VRK2: variants seen among roughly 807,000 people sequenced by gnomAD.
VRK2 encodes serine/threonine-protein kinase VRK2.
A neutral mutation model predicts 57.6 loss-of-function variants in VRK2; 60 were observed. The observed-to-expected ratio is 1.04, with a 90% CI of 0.85 to 1.29. The LOEUF is 1.29. Among genes scored for constraint, VRK2 ranks in the 50% most tolerant of loss-of-function variants. The pLI is 0.00. For synonymous variants in VRK2, 231 were observed against 199.2 expected, an observed-to-expected ratio of 1.16 and a Z score of -1.35; for missense variants, 705 against 588.1, an observed-to-expected ratio of 1.20 and a Z score of -2.06.
chr2:58,071,553 C>T (rs1460337174), intron 2 of VRK2, among the ~76,000 whole-genome samples: 4 of 152,024 alleles, frequency 2.6e-5, no homozygotes, highest in East Asian at 1.9e-4. Context: ...GACTACACTT[C>T]GTCTATTGAA....
rs1287047874 is a variant in VRK2 at position 58,088,341 on chromosome 2, T to G, written c.345T>G (p.Ser115Arg). The change falls in exon 6 of 13, where the codon AGT becomes AGG. Residue 115 changes from serine to arginine, a missense_variant and splice_region_variant. Transcript: ENST00000340157. ...GSGLTEFKGR[S>R]YRFMVMERLG... ...TCTTTTTGATGCTTTTTTCTTACAG[T>G]TACAGATTTATGGTAATGGAAAGAC... 6.3e-7 allele frequency: 1 copy of G among 1,597,038 alleles called. No individual in the cohort carries two copies. The highest frequency in any genetic ancestry group is 8.6e-7 in the Non-Finnish European group (1 of 1,168,888).
intron 2 of VRK2, among the ~76,000 whole-genome samples, chr2:58,082,745 T>C (rs1229759233): frequency 6.6e-6 from 1 of 151,946 alleles, no homozygotes; most frequent in East Asian, 1.9e-4. Context: ...TAATTTTAAG[T>C]GCTATAAGTA....
intron 2 of VRK2, among the ~76,000 whole-genome samples, chr2:58,082,540 T>C (rs1247159363): frequency 6.6e-6 from 1 of 151,860 alleles, no homozygotes; most frequent in African/African-American, 2.4e-5. Flanking sequence ...AGTAAAATAG[T>C]TTGTCATAGG....
intron 1 of VRK2, among the ~76,000 whole-genome samples, chr2:57,984,568 T>G (rs1349464524): frequency 6.6e-6 from 1 of 152,098 alleles, no homozygotes; most frequent in Non-Finnish European, 1.5e-5. Context: ...ATCTTCTTAC[T>G]AAACTAACAA....
At chr2:58,127,434 T>A (rs1678535720) in intron 8 of VRK2, among the ~76,000 whole-genome samples, 1 of 152,170 alleles carries the variant, frequency 6.6e-6, no homozygotes, top group Non-Finnish European at 1.5e-5. Flanking sequence ...AGGGCTTAAT[T>A]TAAAAGGTAC....
intron 1 of VRK2, among the ~76,000 whole-genome samples, chr2:57,919,782 T>G (rs1248302139): frequency 6.6e-6 from 1 of 152,144 alleles, no homozygotes; most frequent in Non-Finnish European, 1.5e-5. Flanking sequence ...AGTTTATTAA[T>G]GGGAAAACAC....
chr2:58,083,776 A>C (rs1329968290), intron 2 of VRK2, among the ~76,000 whole-genome samples: 3 of 151,734 alleles, frequency 2.0e-5, no homozygotes, highest in African/African-American at 7.2e-5. Flanking sequence ...TATATGATTC[A>C]TATTGTCTAT....
chr2:58,139,796 A>G lies in VRK2; in HGVS notation c.987A>G (p.Gly329=). ...GACCACTGGACTTTTCCACAAAAGG[A>G]CAGAGTATAAATGTCCATACTCCAA... ...PLGPLDFSTK[G]QSINVHTPNS... is the part of the protein sequence containing the mutation. The change falls in exon 11 of 13, where the codon GGA becomes GGG. Residue 329 remains glycine (G), a synonymous_variant. Coordinates refer to ENST00000340157, the MANE Select transcript of VRK2 (RefSeq NM_006296.7). The G allele has an allele frequency of 6.2e-7, 1 of 1,613,088 alleles. No individual in the cohort carries two copies. Among genetic ancestry groups the G allele is most frequent in the Non-Finnish European group, 8.5e-7 (1 of 1,179,316 alleles).
intron 7 of VRK2, among the ~76,000 whole-genome samples, chr2:58,090,701 T>C (rs1455099128): frequency 6.6e-6 from 1 of 152,206 alleles, no homozygotes; most frequent in Non-Finnish European, 1.5e-5. Context: ...GCAGTTGTGC[T>C]CATTAGTATT....
At chr2:58,141,531 C>G (rs1206647079) in intron 11 of VRK2, among the ~76,000 whole-genome samples, 1 of 151,838 alleles carries the variant, frequency 6.6e-6, no homozygotes, top group East Asian at 1.9e-4. Context: ...CTTTTAAGAC[C>G]TACGCTAATT....
chr2:57,990,470 G>A lies in VRK2; in HGVS notation c.-438-35195G>A, dbSNP rs552756151. Among the ~76,000 whole-genome samples the A allele has an allele frequency of 1.3e-4, 20 of 152,256 alleles. No individual in the cohort carries two copies. In the East Asian group the frequency reaches 3.9e-3, roughly 29 times the overall value. The stretch of plus-strand genomic sequence containing the variant: ...AGGGTAAATATTGTCCAGATGATAG[G>A]ACCAGATCACAGGCAGAAATACATT... On this transcript the variant is annotated intron_variant, in intron 1 of 15. Coordinates refer to the VRK2 transcript ENST00000417641.
At chr2:58,111,658 C>G (rs1027555774) in intron 7 of VRK2, among the ~76,000 whole-genome samples, 1 of 152,020 alleles carries the variant, frequency 6.6e-6, no homozygotes, top group Non-Finnish European at 1.5e-5. Flanking sequence ...CTTACTACAA[C>G]GCAAATAATC....
At chr2:58,102,213 G>A (rs947263034) in intron 7 of VRK2, among the ~76,000 whole-genome samples, 1 of 151,426 alleles carries the variant, frequency 6.6e-6, no homozygotes, top group Non-Finnish European at 1.5e-5. Context: ...CTCAAAAGCT[G>A]TTAAAGCATC....
chr2:57,945,010 T>G (rs935372368), intron 1 of VRK2, among the ~76,000 whole-genome samples: 12 of 152,140 alleles, frequency 7.9e-5, no homozygotes, highest in African/African-American at 2.9e-4. Context: ...AAACAGAGAC[T>G]CAGCATGGGC....
chr2:58,106,122 C>T (rs1674714409), intron 7 of VRK2, among the ~76,000 whole-genome samples: 1 of 151,958 alleles, frequency 6.6e-6, no homozygotes, highest in Admixed American at 6.6e-5. Context: ...TTAATATACA[C>T]ACACAGGTTG....
chr2:58,135,074 G>C (rs1233401670), intron 9 of VRK2, 67 bp from the exon 10 acceptor site: 20 of 1,568,372 alleles, frequency 1.3e-5, no homozygotes, highest in Admixed American at 1.7e-5. Context: ...AGAGTGTTTT[G>C]TTTTCTAGTC....
At chr2:57,907,784 T>A (rs1364950144) in exon 1 of VRK2, 2 of 152,222 alleles carry the variant, frequency 1.3e-5, no homozygotes, top group Non-Finnish European at 2.9e-5. Context: ...CTTCTCATCC[T>A]TCAAGAGCCA....
chr2:58,139,638 G>T (rs1309863046), intron 10 of VRK2, 28 bp from the exon 11 acceptor site: 4 of 1,594,128 alleles, frequency 2.5e-6, no homozygotes, highest in South Asian at 2.3e-5. Flanking sequence ...AATTGTGAAT[G>T]ACATGTAAAA....
intron 2 of VRK2, among the ~76,000 whole-genome samples, chr2:58,075,333 T>G (rs1052549777): frequency 1.3e-5 from 2 of 152,158 alleles, no homozygotes; most frequent in African/African-American, 4.8e-5. Flanking sequence ...TTGTGAATGG[T>G]GCTGCAATGA....
Sources: allele counts gnomAD v4.1 joint callset (sites outside exome capture counted in the v4.1 genomes callset), GRCh38; gene constraint gnomAD v4.1.1; transcripts MANE v1.5; gene names NCBI Gene and HGNC (gene_info 2026-07-23, HGNC 2026-07-21).